The following KCNH8 variants were observed in gnomAD, a reference collection of about 807,000 sequenced individuals.
KCNH8 encodes the protein potassium voltage-gated channel subfamily H member 8.
KCNH8 carries 70 observed loss-of-function variants against 103.6 expected under a neutral mutation model. The observed-to-expected ratio is 0.68, with a 90% CI of 0.56 to 0.82. KCNH8 has a LOEUF of 0.82. Among genes scored for constraint, KCNH8 ranks in the 40% least tolerant of loss-of-function variants. The pLI is 0.00. For missense variants in KCNH8, 1,217 were observed against 1,329.9 expected, an observed-to-expected ratio of 0.92 and a Z score of 1.32; for synonymous variants, 498 against 489.4, an observed-to-expected ratio of 1.02 and a Z score of -0.23.
rs898825111 is a variant in KCNH8, at chr3:19,512,912, A to T, written c.2080-58A>T. On this transcript the variant is annotated intron_variant, in intron 12 of 15. Coordinates refer to ENST00000328405, the MANE Select transcript of KCNH8 (RefSeq NM_144633.3). ...TCTAATGAGACCTCCAGCATTAATG[A>T]TATACCTTTTCTGCGGTTTTTGCAG... 4.1e-6 allele frequency: 6 copies of T among 1,470,684 alleles called. No individual in the cohort carries two copies. The Admixed American group carries it at 1.2e-4, about 29-fold the overall frequency. 91.1% of individuals were successfully genotyped at this position (1,470,684 alleles called of 1,614,324 possible).
At chr3:19,370,697 G>A (rs2066077825) in intron 5 of KCNH8, among the ~76,000 whole-genome samples, 1 of 151,946 alleles carries the variant, frequency 6.6e-6, no homozygotes, top group South Asian at 2.1e-4. Context: ...CCATGCTGGT[G>A]CACTGCACCC....
chr3:19,501,921 G>A (rs1038417800), intron 11 of KCNH8, among the ~76,000 whole-genome samples: 3 of 152,266 alleles, frequency 2.0e-5, no homozygotes, highest in Non-Finnish European at 4.4e-5. Flanking sequence ...GGAAGTTCTG[G>A]CCAGGGCAAT....
chr3:19,319,671 A>G (rs1241941166), intron 3 of KCNH8, among the ~76,000 whole-genome samples: 1 of 151,932 alleles, frequency 6.6e-6, no homozygotes, highest in African/African-American at 2.4e-5. Context: ...TTCCATATCA[A>G]TTTCAGGATT....
At chr3:19,273,773 A>G (rs1346070047) in intron 2 of KCNH8, among the ~76,000 whole-genome samples, 1 of 152,176 alleles carries the variant, frequency 6.6e-6, no homozygotes, top group East Asian at 1.9e-4. Flanking sequence ...TGGGACTGGC[A>G]GCAGCACCAG....
intron 5 of KCNH8, among the ~76,000 whole-genome samples, chr3:19,350,357 C>T (rs529385339): frequency 6.6e-6 from 1 of 152,038 alleles, no homozygotes; most frequent in Non-Finnish European, 1.5e-5. Flanking sequence ...ACTTCCCTGT[C>T]TGACAGCTTT....
chr3:19,484,486 C>T (rs879939656), intron 11 of KCNH8, among the ~76,000 whole-genome samples: 1 of 152,182 alleles, frequency 6.6e-6, no homozygotes, highest in Non-Finnish European at 1.5e-5. Context: ...CGTGCGTAGA[C>T]CAGTCAGCTT....
At chr3:19,316,966 G>A (rs1471672325) in intron 3 of KCNH8, among the ~76,000 whole-genome samples, 5 of 151,814 alleles carry the variant, frequency 3.3e-5, no homozygotes, top group Non-Finnish European at 5.9e-5. Context: ...GACAGAGTCA[G>A]CATGTTTTCA....
intron 1 of KCNH8, among the ~76,000 whole-genome samples, chr3:19,228,035 C>A (rs975382045): frequency 3.3e-5 from 5 of 152,170 alleles, no homozygotes; most frequent in South Asian, 2.1e-4. Flanking sequence ...TGAGAGGAGG[C>A]TAATTTGTTC....
At chr3:19,235,174 T>C (rs1230936309) in intron 1 of KCNH8, among the ~76,000 whole-genome samples, 1 of 152,196 alleles carries the variant, frequency 6.6e-6, no homozygotes, top group Non-Finnish European at 1.5e-5. Context: ...TTGCTTAAAG[T>C]CACAGCTTCC....
Position 19,173,421 on chromosome 3 carries a change from C to T in KCNH8, c.76+24626C>T, listed in dbSNP as rs182368780. 4.0e-4 allele frequency among the ~76,000 whole-genome samples: 61 copies of T among 152,248 alleles called. 2 individuals carry two copies. The highest frequency in any genetic ancestry group is 1.4e-3 in the African/African-American group (59 of 41,546). On this transcript the variant is annotated intron_variant, in intron 1 of 15. Transcript: ENST00000328405. ...TATCTGCTATGTGCCATACAATGTG[C>T]AAGGGCTTACACCTCTGCAAGTGTA...
chr3:19,430,954 T>A lies in KCNH8; in HGVS notation c.1178-7210T>A, dbSNP rs560546396. Among the ~76,000 whole-genome samples the A allele has an allele frequency of 9.8e-5, 15 of 152,314 alleles. No homozygotes were observed. In the South Asian group the frequency reaches 2.1e-3, roughly 21 times the overall value. ...AACACAGACAGTTTGACTTCCTCTC[T>A]TTCTATTTGAATACGCTTCATTTCT... On this transcript the variant is annotated intron_variant, in intron 7 of 15. Transcript: ENST00000328405.
chr3:19,186,142 T>G (rs1239523401), intron 1 of KCNH8, among the ~76,000 whole-genome samples: 1 of 151,926 alleles, frequency 6.6e-6, no homozygotes, highest in African/African-American at 2.4e-5. Context: ...GGAACTAGTT[T>G]AATCAGCATT....
At chr3:19,350,324 T>A (rs1189916026) in intron 5 of KCNH8, among the ~76,000 whole-genome samples, 1 of 152,030 alleles carries the variant, frequency 6.6e-6, no homozygotes, top group Non-Finnish European at 1.5e-5. Flanking sequence ...CATTTAATAT[T>A]TATTAAATTA....
intron 11 of KCNH8, among the ~76,000 whole-genome samples, chr3:19,477,038 C>A (rs1205129556): frequency 6.6e-6 from 1 of 152,094 alleles, no homozygotes; most frequent in Non-Finnish European, 1.5e-5. Flanking sequence ...AATGCCTGGC[C>A]ATTTCTTTAT....
intron 1 of KCNH8, among the ~76,000 whole-genome samples, chr3:19,187,975 C>G (rs1442353927): frequency 6.6e-6 from 1 of 152,046 alleles, no homozygotes; most frequent in African/African-American, 2.4e-5. Context: ...GTACCAGCGT[C>G]ACCAGATATA....
chr3:19,504,193 A>C (rs1159055070), intron 11 of KCNH8, among the ~76,000 whole-genome samples: 2 of 152,208 alleles, frequency 1.3e-5, no homozygotes, highest in Admixed American at 1.3e-4. Flanking sequence ...AAGTCAACTC[A>C]AGATGGATTA....
intron 1 of KCNH8, among the ~76,000 whole-genome samples, chr3:19,240,017 TTCTTTAAAAATCTATACTGC>T (rs1274435366): frequency 1.3e-5 from 2 of 152,132 alleles, no homozygotes; most frequent in Non-Finnish European, 2.9e-5. Flanking sequence ...TTATATTGAT[TTCTTTAAAAATCTATACTGC>T]AGATCATATT....
intron 11 of KCNH8, among the ~76,000 whole-genome samples, chr3:19,469,606 A>T (rs935700441): frequency 5.3e-5 from 8 of 152,008 alleles, no homozygotes; most frequent in African/African-American, 1.7e-4. Flanking sequence ...TATGTTTTTT[A>T]TATTCTGAAA....
intron 1 of KCNH8, among the ~76,000 whole-genome samples, chr3:19,238,886 G>C (rs1462218634): frequency 6.6e-6 from 1 of 152,144 alleles, no homozygotes; most frequent in Non-Finnish European, 1.5e-5. Flanking sequence ...AATTCCAGAG[G>C]ATGTTCCAAA....
Sources: gnomAD v4.1 joint callset for allele counts (sites outside exome capture counted in the v4.1 genomes callset) on GRCh38, gnomAD v4.1.1 for gene constraint, MANE v1.5 for transcripts, NCBI Gene and HGNC (gene_info 2026-07-23, HGNC 2026-07-21) for gene names.